PCDHA10: variants seen among roughly 807,000 people sequenced by gnomAD.
PCDHA10 encodes the protein protocadherin alpha 10, also known as protocadherin alpha-10.
In PCDHA10, 45 loss-of-function variants were observed where a neutral mutation model predicts 61.2. That is an observed-to-expected ratio of 0.74 (90% CI 0.58 to 0.94). PCDHA10 has a LOEUF of 0.94. Ranked by LOEUF, PCDHA10 falls within the 40% of genes least tolerant of loss-of-function variation. The probability of loss-of-function intolerance (pLI) is 0.00; values close to 1 mark genes in which losing one functional copy is unlikely to be tolerated. For synonymous variants in PCDHA10, 602 were observed against 548.8 expected, an observed-to-expected ratio of 1.10 and a Z score of -1.35; for missense variants, 1,278 against 1,236.2, an observed-to-expected ratio of 1.03 and a Z score of -0.51.
chr5:140,900,227 G>C (rs1425549345), intron 1 of PCDHA10, among the ~76,000 whole-genome samples: 1 of 152,038 alleles, frequency 6.6e-6, no homozygotes, highest in Admixed American at 6.6e-5. Flanking sequence ...CAAATGACTG[G>C]ATCTTGTTTT....
rs782428365 is a variant in PCDHA10 at position 140,927,400 on chromosome 5, C to T, written c.2389-51549C>T. 7 of 1,614,126 alleles carry T rather than the reference C, an allele frequency of 4.3e-6. No homozygotes were observed. In the South Asian group the frequency reaches 5.5e-5, roughly 13 times the overall value. On this transcript the variant is annotated intron_variant, in intron 1 of 3. Transcript: ENST00000307360. ...CAGCCTAAGCCCCAGTCAGCACTTT[C>T]GCCTGGACATGGGATCGCGGGTTGA...
At chr5:140,968,621 T>C (rs782017664) in intron 1 of PCDHA10, 11 of 1,614,190 alleles carry the variant, frequency 6.8e-6, no homozygotes, top group Non-Finnish European at 8.5e-6. Context: ...GCAAAATGCT[T>C]GGCTTTTTTA....
chr5:140,969,549 C>G (rs1213967618), intron 1 of PCDHA10: 33 of 1,238,058 alleles, frequency 2.7e-5, no homozygotes, highest in Non-Finnish European at 3.4e-5. Flanking sequence ...AGGCATGAAG[C>G]CTTGTCCATA....
intron 1 of PCDHA10, chr5:140,865,868 G>A (rs2049029480): frequency 1.3e-5 from 2 of 152,098 alleles, no homozygotes; most frequent in African/African-American, 2.4e-5. Context: ...CATGGTCTCG[G>A]CTAGGAAAAT....
intron 1 of PCDHA10, chr5:140,928,747 C>G (rs781895762): frequency 6.2e-7 from 1 of 1,614,132 alleles, no homozygotes; most frequent in Non-Finnish European, 8.5e-7. Context: ...AGGTGAGCTC[C>G]GTACTGCTCG....
At chr5:141,000,410 TA>T (rs2097918693) in intron 3 of PCDHA10, among the ~76,000 whole-genome samples, 2 of 101,940 alleles carry the variant, frequency 2.0e-5, no homozygotes, top group African/African-American at 7.8e-5. Flanking sequence ...TATATATATA[TA>T]TATATATATA....
chr5:140,946,611 A>T (rs868983636), intron 1 of PCDHA10, among the ~76,000 whole-genome samples: 1 of 86,804 alleles, frequency 1.2e-5, no homozygotes, highest in Admixed American at 1.2e-4. Context: ...GAAAATGTGA[A>T]ATATATATAT....
intron 1 of PCDHA10, among the ~76,000 whole-genome samples, chr5:140,900,291 T>C (rs1397328670): frequency 6.6e-6 from 1 of 151,992 alleles, no homozygotes; most frequent in East Asian, 2.0e-4. Flanking sequence ...TTCTTTTCTG[T>C]TTTTTTAGAC....
At chr5:140,931,057 T>C (rs1554208231) in intron 1 of PCDHA10, among the ~76,000 whole-genome samples, 1 of 152,196 alleles carries the variant, frequency 6.6e-6, no homozygotes, top group Admixed American at 6.5e-5. Context: ...CAATGCTGTG[T>C]CTGGGACTAA....
At chr5:140,902,986 T>C (rs569244845) in intron 1 of PCDHA10, among the ~76,000 whole-genome samples, 1 of 152,346 alleles carries the variant, frequency 6.6e-6, no homozygotes, top group East Asian at 1.9e-4. Flanking sequence ...GTTGGTTCCA[T>C]ATTTTTGCAA....
chr5:140,944,909 C>A (rs1320536064), intron 1 of PCDHA10, among the ~76,000 whole-genome samples: 1 of 152,136 alleles, frequency 6.6e-6, no homozygotes, highest in African/African-American at 2.4e-5. Flanking sequence ...CCACAAACTT[C>A]TCTTTATATT....
chr5:140,868,901 C>T lies in PCDHA10; in HGVS notation c.2388+10465C>T, dbSNP rs1408967625. 6 of 828,816 alleles carry T rather than the reference C, an allele frequency of 7.2e-6. No homozygotes were observed. In the African/African-American group the frequency reaches 1.0e-4, roughly 14 times the overall value. The allele number at this position is 828,816 out of a possible 1,614,324, so 51.3% of individuals were successfully genotyped here. ...TCACAGTTTTAGGCGCAAGGTGTCG[C>T]TCTTTACTTGGTGGAAAGTTCATTT... On this transcript the variant is annotated intron_variant, in intron 1 of 3. Transcript: ENST00000307360.
intron 1 of PCDHA10, among the ~76,000 whole-genome samples, chr5:140,919,193 T>C (rs1444043948): frequency 6.6e-6 from 1 of 152,262 alleles, no homozygotes; most frequent in African/African-American, 2.4e-5. Flanking sequence ...ATTGGTCCTT[T>C]TGTCATTATA....
chr5:140,919,795 A>G (rs1554199259), intron 1 of PCDHA10, among the ~76,000 whole-genome samples: 1 of 152,070 alleles, frequency 6.6e-6, no homozygotes, highest in East Asian at 1.9e-4. Context: ...CTTGTGGTGG[A>G]TTGAATTGTG....
chr5:140,858,197 A>T lies in PCDHA10; in HGVS notation c.2149A>T (p.Thr717Ser). The change falls in exon 1 of 4, where the codon ACT (threonine) becomes TCT (serine). Residue 717 changes from threonine to serine, a missense_variant. Thr to Ser is a moderately conservative substitution (Grantham distance 58). Transcript: ENST00000307360. ...SLLVLTLLLY[T>S]ALRCSAAPTE... ...GCTGGTGCTCACGCTGCTGCTGTAC[A>T]CTGCACTGAGGTGCTCGGCGGCGCC... is the stretch of plus-strand genomic sequence containing the variant. The T allele has an allele frequency of 1.3e-6, 2 of 1,597,058 alleles. 1 individual carries two copies.
rs1212312396 is a variant in PCDHA10, at chr5:140,857,650, G to C, written c.1602G>C (p.Val534=). Residue 534 remains valine (V), a synonymous_variant, in exon 1 of 4, where the codon GTG becomes GTC. Coordinates refer to ENST00000307360, the MANE Select transcript of PCDHA10 (RefSeq NM_018901.4). The part of the protein sequence containing the change: ...HEELELLQFQ[V]SARDGGVPPL... ...AGCTGGAGCTGCTACAGTTCCAGGTGAGCGCGCGCGATGGGGGCGTGCCGC... is the reference window on the plus strand; with the variant it reads ...AGCTGGAGCTGCTACAGTTCCAGGTCAGCGCGCGCGATGGGGGCGTGCCGC... 6.3e-7 allele frequency: 1 copy of C among 1,596,628 alleles called. No homozygotes were observed. Among genetic ancestry groups the C allele is most frequent in the Non-Finnish European group, 8.6e-7 (1 of 1,167,764 alleles).
rs189067845 is a variant in PCDHA10 at position 140,857,691 on chromosome 5, T to C, written c.1643T>C (p.Leu548Ser). The C allele has an allele frequency of 1.3e-6, 2 of 1,597,004 alleles. No homozygotes were observed. The highest frequency in any genetic ancestry group is 1.7e-6 in the Non-Finnish European group (2 of 1,167,734). The change falls in exon 1 of 4, where the codon TTG (leucine) becomes TCG (serine). Residue 548 changes from leucine to serine, a missense_variant. Transcript: ENST00000307360. The part of the protein sequence containing the change: ...DGGVPPLGSN[L>S]TLQVFVLDEN... ...GGCGTGCCGCCTCTGGGCAGCAACT[T>C]GACGCTGCAGGTGTTCGTGCTGGAC...
chr5:140,856,767 T>A lies in PCDHA10; in HGVS notation c.719T>A (p.Ile240Asn). 1 of 1,596,922 alleles carries A rather than the reference T, an allele frequency of 6.3e-7. No homozygotes were observed. The highest frequency in any genetic ancestry group is 8.6e-7 in the Non-Finnish European group (1 of 1,166,918). Residue 240 changes from isoleucine to asparagine, a missense_variant, in exon 1 of 4, where the codon ATC becomes AAC. Ile to Asn is a moderately radical substitution (Grantham distance 149). Coordinates refer to ENST00000307360, the MANE Select transcript of PCDHA10 (RefSeq NM_018901.4). ...LVLDANDNAP[I>N]FDRPVYEVKM... The stretch of plus-strand genomic sequence containing the variant: ...TTAGATGCCAATGATAACGCCCCTA[T>A]CTTTGACAGACCGGTTTATGAAGTT...
intron 3 of PCDHA10, among the ~76,000 whole-genome samples, chr5:141,002,176 G>C (rs1554258553): frequency 6.6e-6 from 1 of 152,242 alleles, no homozygotes; most frequent in Non-Finnish European, 1.5e-5. Context: ...GCAGGCTCCA[G>C]AGTGCTGTCT....
Sources: gnomAD v4.1 joint callset for allele counts (sites outside exome capture counted in the v4.1 genomes callset) on GRCh38, gnomAD v4.1.1 for gene constraint, MANE v1.5 for transcripts, NCBI Gene and HGNC (gene_info 2026-07-23, HGNC 2026-07-21) for gene names.